Variants in LIN9 observed in about 807,000 individuals in gnomAD.
LIN9 encodes protein lin-9 homolog.
Under a neutral mutation model 78.0 loss-of-function variants are expected in LIN9, and 18 were observed. The ratio of observed to expected loss-of-function variants is 0.23; its 90% CI spans 0.16 to 0.34. The LOEUF is 0.34. Ranked by LOEUF, LIN9 falls within the 10% of genes least tolerant of loss-of-function variation. LIN9 has a pLI of 1.00. For missense variants in LIN9, 451 were observed against 644.1 expected, an observed-to-expected ratio of 0.70 and a Z score of 3.25; for synonymous variants, 192 against 215.2, an observed-to-expected ratio of 0.89 and a Z score of 0.94.
chr1:226,260,769 C>T (rs1369656900), intron 10 of LIN9, among the ~76,000 whole-genome samples: 1 of 150,730 alleles, frequency 6.6e-6, no homozygotes, highest in South Asian at 2.1e-4. Flanking sequence ...CTCAGCCTCC[C>T]GAGTAACTGG....
chr1:226,279,153 T>G (rs1392165724), intron 6 of LIN9, among the ~76,000 whole-genome samples: 1 of 150,510 alleles, frequency 6.6e-6, no homozygotes, highest in African/African-American at 2.4e-5. Context: ...AGAGCGAGAC[T>G]CCGTCTTGGG....
chr1:226,288,483 A>G (rs1661515604), intron 4 of LIN9, among the ~76,000 whole-genome samples: 1 of 152,190 alleles, frequency 6.6e-6, no homozygotes, highest in Non-Finnish European at 1.5e-5. Context: ...TAGAAAGAAG[A>G]TAAAACTACC....
In LIN9 at chr1:226,286,338, T is replaced by C. The variant is rs980824181; in HGVS notation, c.519A>G (p.Pro173=). 1 of 1,607,914 alleles carries C rather than the reference T, an allele frequency of 6.2e-7. No homozygotes were observed. Among genetic ancestry groups the C allele is most frequent in the African/African-American group, 1.3e-5 (1 of 74,356 alleles). Residue 173 remains proline, a synonymous_variant, in exon 6 of 15, where the codon CCA becomes CCG. Transcript: ENST00000681046. ...WGKIRRLMGK[P]RRCSSAFFEE... ...AACAAAAACATTATTTTTACCTCCG[T>C]GGTTTTCCCATAAGCCGCCGAATTT...
intron 11 of LIN9, among the ~76,000 whole-genome samples, chr1:226,241,349 C>T (rs982562986): frequency 2.6e-5 from 4 of 151,962 alleles, no homozygotes; most frequent in African/African-American, 4.8e-5. Context: ...AGCCTCTTCT[C>T]GGGGAAAAGT....
chr1:226,307,029 AT>A (rs1662961117), intron 1 of LIN9, among the ~76,000 whole-genome samples: 1 of 152,232 alleles, frequency 6.6e-6, no homozygotes, highest in Non-Finnish European at 1.5e-5. Context: ...AGGTTATATA[AT>A]TTGAAAGTGG....
intron 10 of LIN9, among the ~76,000 whole-genome samples, chr1:226,261,364 T>C (rs1158254422): frequency 6.6e-6 from 1 of 151,518 alleles, no homozygotes; most frequent in Non-Finnish European, 1.5e-5. Flanking sequence ...GCGGGTGACA[T>C]GACTGTCTAC....
chr1:226,232,892 A>G (rs1657437957), intron 14 of LIN9: 1 of 497,894 alleles, frequency 2.0e-6, no homozygotes, highest in Non-Finnish European at 3.5e-6. Flanking sequence ...AAACCTAAAT[A>G]TATGTCCTGA....
chr1:226,246,380 A>G (rs996034070), intron 11 of LIN9, among the ~76,000 whole-genome samples: 6 of 152,130 alleles, frequency 3.9e-5, no homozygotes, highest in African/African-American at 1.4e-4. Flanking sequence ...TGGAGATGGT[A>G]GCTCTCAGAC....
intron 10 of LIN9, among the ~76,000 whole-genome samples, chr1:226,257,674 C>T (rs1173235349): frequency 6.6e-6 from 1 of 151,558 alleles, no homozygotes; most frequent in African/African-American, 2.4e-5. Flanking sequence ...AAAAGTATAA[C>T]CTATATGCTA....
intron 2 of LIN9, among the ~76,000 whole-genome samples, chr1:226,300,545 T>C (rs746874442): frequency 8.6e-5 from 13 of 152,036 alleles, no homozygotes; most frequent in Non-Finnish European, 1.3e-4. Flanking sequence ...AGCGAGACCC[T>C]GTCTCAAAAA....
intron 6 of LIN9, among the ~76,000 whole-genome samples, chr1:226,279,376 T>C (rs1660893570): frequency 6.6e-6 from 1 of 151,356 alleles, no homozygotes; most frequent in Non-Finnish European, 1.5e-5. Context: ...GGAGGATCAT[T>C]TGAGCCCAGG....
chr1:226,252,089 G>T (rs1359668527), intron 10 of LIN9, among the ~76,000 whole-genome samples: 1 of 151,980 alleles, frequency 6.6e-6, no homozygotes, highest in Non-Finnish European at 1.5e-5. Flanking sequence ...CTGGGATCGT[G>T]AGTCTAGGAG....
intron 11 of LIN9, among the ~76,000 whole-genome samples, chr1:226,242,475 T>TA (rs1221999811): frequency 1.3e-5 from 2 of 151,956 alleles, no homozygotes; most frequent in Non-Finnish European, 2.9e-5. Flanking sequence ...AAAGAAACTA[T>TA]AAAAGTATCA....
At chr1:226,266,126 T>C (rs1022685309) in intron 9 of LIN9, 87 bp downstream of exon 9, 11 of 792,668 alleles carry the variant, frequency 1.4e-5, no homozygotes, top group Non-Finnish European at 1.4e-5. Flanking sequence ...TACTTTGAAG[T>C]TGCTGTAATA....
At chr1:226,233,712 T>C (rs918171128) in intron 12 of LIN9, among the ~76,000 whole-genome samples, 189 bp from the exon 13 acceptor site, 2 of 152,252 alleles carry the variant, frequency 1.3e-5, no homozygotes, top group African/African-American at 4.8e-5. Context: ...ATTTTTAATT[T>C]TGATATAATT....
chr1:226,281,019 G>A (rs1355617784), intron 6 of LIN9, among the ~76,000 whole-genome samples: 1 of 152,128 alleles, frequency 6.6e-6, no homozygotes, highest in Admixed American at 6.6e-5. Flanking sequence ...ATCACCCTAA[G>A]CGTCCATCAA....
At chr1:226,251,353 G>A (rs1404548035) in intron 10 of LIN9, among the ~76,000 whole-genome samples, 7 of 151,810 alleles carry the variant, frequency 4.6e-5, no homozygotes, top group Admixed American at 2.0e-4. Context: ...TCAGCCTCCC[G>A]AGTAGCTGGG....
rs1214213492 is a variant in LIN9 at position 226,277,947 on chromosome 1, A to T, written c.525-15T>A. The T allele has an allele frequency of 6.3e-7, 1 of 1,594,096 alleles. No homozygotes were observed. Among genetic ancestry groups the T allele is most frequent in the South Asian group, 1.1e-5 (1 of 88,382 alleles). On this transcript the variant is annotated splice_polypyrimidine_tract_variant and intron_variant, in intron 6 of 14. Transcript: ENST00000681046. ...CAGAAGAACATCTAGAATAAATTATAAAAAACATACAAACTGATAACTACC... is the reference window on the plus strand; with the variant it reads ...CAGAAGAACATCTAGAATAAATTATTAAAAACATACAAACTGATAACTACC...
intron 11 of LIN9, 33 bp from the exon 12 acceptor site, chr1:226,239,129 AGTTT>A (rs1657934023): frequency 6.2e-7 from 1 of 1,605,680 alleles, no homozygotes; most frequent in Non-Finnish European, 8.5e-7. Context: ...TCTTGGTAAG[AGTTT>A]GTTTTTTAGC....
Sources: allele counts gnomAD v4.1 joint callset (sites outside exome capture counted in the v4.1 genomes callset), GRCh38; gene constraint gnomAD v4.1.1; transcripts MANE v1.5; gene names NCBI Gene and HGNC (gene_info 2026-07-23, HGNC 2026-07-21).